The following DAGLA variants were observed in gnomAD, a reference collection of about 807,000 sequenced individuals.
DAGLA encodes the protein diacylglycerol lipase-alpha.
In DAGLA, 22 loss-of-function variants were observed where a neutral mutation model predicts 102.6. The ratio of observed to expected loss-of-function variants is 0.21; its 90% CI spans 0.15 to 0.31. The LOEUF is 0.31. Among genes scored for constraint, DAGLA ranks in the 10% least tolerant of loss-of-function variants. DAGLA has a pLI of 1.00. For synonymous variants in DAGLA, 578 were observed against 628.9 expected (o/e 0.92, Z 1.21); for missense variants, 927 against 1,446.6 (o/e 0.64, Z 5.83).
chr11:61,682,585 G>A (rs960462842), intron 1 of DAGLA, among the ~76,000 whole-genome samples: 2 of 152,200 alleles, frequency 1.3e-5, no homozygotes, highest in Admixed American at 6.5e-5. Context: ...GGCAGCAGAC[G>A]TGCCTCATTG....
At chr11:61,742,501 C>T (rs766927855) in intron 19 of DAGLA, among the ~76,000 whole-genome samples, 21 of 152,206 alleles carry the variant, frequency 1.4e-4, no homozygotes, top group African/African-American at 2.2e-4. Flanking sequence ...TGTCCATTTC[C>T]GGCTGCGGTG....
intron 6 of DAGLA, among the ~76,000 whole-genome samples, chr11:61,727,805 T>C (rs1367487240): frequency 6.6e-6 from 1 of 152,148 alleles, no homozygotes; most frequent in Non-Finnish European, 1.5e-5. Flanking sequence ...AGAGGAGAAA[T>C]GAGCCAGAGC....
chr11:61,699,375 CCTA>C (rs2065091271), intron 1 of DAGLA, among the ~76,000 whole-genome samples: 1 of 152,188 alleles, frequency 6.6e-6, no homozygotes, highest in African/African-American at 2.4e-5. Context: ...CACTGCCTCT[CCTA>C]CTGCGACCTG....
chr11:61,697,513 G>A (rs983552272), intron 1 of DAGLA, among the ~76,000 whole-genome samples: 5 of 152,080 alleles, frequency 3.3e-5, no homozygotes, highest in Admixed American at 1.3e-4. Context: ...AGGAGCCTGG[G>A]CTGTGGGGCA....
chr11:61,729,122 C>T (rs2065354513), intron 8 of DAGLA, 114 bp downstream of exon 8: 1 of 879,918 alleles, frequency 1.1e-6, no homozygotes, highest in East Asian at 2.6e-5. Flanking sequence ...ATTGCCCCTG[C>T]CCGGTCTCCC....
At chr11:61,716,922 A>T (rs1043443090) in intron 1 of DAGLA, among the ~76,000 whole-genome samples, 5 of 151,948 alleles carry the variant, frequency 3.3e-5, no homozygotes, top group Admixed American at 1.3e-4. Flanking sequence ...GGGTCCTGGC[A>T]CCCCATTCAC....
At chr11:61,697,905 G>A (rs982106388) in intron 1 of DAGLA, among the ~76,000 whole-genome samples, 2 of 152,116 alleles carry the variant, frequency 1.3e-5, no homozygotes, top group African/African-American at 4.8e-5. Context: ...GCAGTGAGGA[G>A]CAGTGCCAGG....
chr11:61,733,537 G>A (rs1397234170), intron 9 of DAGLA, among the ~76,000 whole-genome samples: 3 of 152,214 alleles, frequency 2.0e-5, no homozygotes, highest in Non-Finnish European at 1.5e-5. Context: ...CTGTCATCCC[G>A]TGACAGCTGG....
intron 9 of DAGLA, 71 bp downstream of exon 9, chr11:61,731,512 G>C: frequency 6.3e-7 from 1 of 1,589,048 alleles, no homozygotes; most frequent in Non-Finnish European, 8.6e-7. Flanking sequence ...AAGGGCTACC[G>C]GGCTGCGCCT....
chr11:61,744,035 G>T lies in DAGLA; in HGVS notation c.2675G>T (p.Arg892Leu), dbSNP rs146614173. ...GGTGGGGGTGGCGGGCCGGCCTCCC[G>T]CGGGGAGCTGGCGCTGCACAATGGG... ...VGGGGGGPAS[R>L]GELALHNGRL... Residue 892 changes from arginine to leucine, a missense_variant, in exon 20 of 20, where the codon CGC (arginine) becomes CTC (leucine). By Grantham distance (102) the Arg-to-Leu change is moderately radical. Around this residue, in one of 4 missense-constraint regions of DAGLA, gnomAD observed 434 missense variants for 503.3 expected, o/e 0.86. Transcript: ENST00000257215. 3.6e-5 allele frequency: 58 copies of T among 1,612,388 alleles called. No homozygotes were observed. The African/African-American group carries it at 6.1e-4, about 17-fold the overall frequency.
intron 1 of DAGLA, 37 bp from the exon 2 acceptor site, chr11:61,720,075 T>A: frequency 6.8e-7 from 1 of 1,476,770 alleles, no homozygotes. Context: ...TGCCTTCACC[T>A]CCTCAGGCAG....
chr11:61,727,138 C>T, intron 6 of DAGLA, among the ~76,000 whole-genome samples: 1 of 152,232 alleles, frequency 6.6e-6, no homozygotes, highest in Non-Finnish European at 1.5e-5. Context: ...ACACTGATGG[C>T]CTCAGGGGGC....
At chr11:61,699,210 A>G (rs1591028573) in intron 1 of DAGLA, among the ~76,000 whole-genome samples, 1 of 152,192 alleles carries the variant, frequency 6.6e-6, no homozygotes, top group South Asian at 2.1e-4. Context: ...CCCTGCTGGT[A>G]GAATAGAACT....
chr11:61,741,649 T>C (rs1347708667), intron 19 of DAGLA, among the ~76,000 whole-genome samples: 4 of 150,580 alleles, frequency 2.7e-5, no homozygotes, highest in African/African-American at 7.4e-5. Context: ...CTCGCTCTTT[T>C]CCCCCAGGCC....
At chr11:61,725,823 C>A (rs1565258701) in intron 5 of DAGLA, among the ~76,000 whole-genome samples, 172 bp from the exon 6 acceptor site, 1 of 152,230 alleles carries the variant, frequency 6.6e-6, no homozygotes, top group Non-Finnish European at 1.5e-5. Flanking sequence ...AGCAGCCAGG[C>A]CACTGGCCAC....
At chr11:61,729,782 A>T (rs1028874551) in intron 8 of DAGLA, among the ~76,000 whole-genome samples, 3 of 152,112 alleles carry the variant, frequency 2.0e-5, no homozygotes, top group Non-Finnish European at 2.9e-5. Flanking sequence ...TAGAAATCTC[A>T]GTCCTTTAGG....
chr11:61,696,909 G>A (rs2065071787), intron 1 of DAGLA, among the ~76,000 whole-genome samples: 1 of 152,118 alleles, frequency 6.6e-6, no homozygotes, highest in Admixed American at 6.5e-5. Flanking sequence ...GGGTGGGATG[G>A]GAGGTGTGGA....
intron 1 of DAGLA, among the ~76,000 whole-genome samples, chr11:61,716,468 G>T (rs2065236317): frequency 6.6e-6 from 1 of 152,154 alleles, no homozygotes; most frequent in Non-Finnish European, 1.5e-5. Context: ...TGTGTTTCTG[G>T]GGAGCAGCAT....
intron 1 of DAGLA, among the ~76,000 whole-genome samples, chr11:61,717,269 C>A (rs538817510): frequency 6.6e-6 from 1 of 152,274 alleles, no homozygotes; most frequent in South Asian, 2.1e-4. Context: ...AGAAAGGGCA[C>A]CATTCAAGGC....
Sources: allele counts gnomAD v4.1 joint callset (sites outside exome capture counted in the v4.1 genomes callset), GRCh38; gene constraint gnomAD v4.1.1; regional missense constraint gnomAD v4.1.1; transcripts MANE v1.5; gene names NCBI Gene and HGNC (gene_info 2026-07-23, HGNC 2026-07-21).